RUSC2: variants seen among roughly 807,000 people sequenced by gnomAD.
RUSC2 encodes AP-4 complex accessory subunit RUSC2.
In RUSC2, 34 loss-of-function variants were observed where a neutral mutation model predicts 122.2. The ratio of observed to expected loss-of-function variants is 0.28; its 90% CI spans 0.21 to 0.37. The LOEUF (loss-of-function observed/expected upper bound fraction) is 0.37, where lower values mean the gene tolerates loss of function less well. Ranked by LOEUF, RUSC2 falls within the 10% of genes least tolerant of loss-of-function variation. The probability of loss-of-function intolerance (pLI) is 1.00; values close to 1 mark genes in which losing one functional copy is unlikely to be tolerated. For missense variants in RUSC2, 1,747 were observed against 1,952.4 expected (o/e 0.89, Z 1.98); for synonymous variants, 784 against 790.0 (o/e 0.99, Z 0.13).
At chr9:35,536,905 A>G (rs1301603080) in intron 1 of RUSC2, among the ~76,000 whole-genome samples, 1 of 152,076 alleles carries the variant, frequency 6.6e-6, no homozygotes, top group East Asian at 1.9e-4. Context: ...GTAATGAGAA[A>G]CCATTAAAAG....
At chr9:35,491,451 C>G (rs145849575) in intron 1 of RUSC2, among the ~76,000 whole-genome samples, 1 of 152,144 alleles carries the variant, frequency 6.6e-6, no homozygotes, top group Non-Finnish European at 1.5e-5. Context: ...GTTAGTTATG[C>G]CCGTCCTGCT....
intron 1 of RUSC2, among the ~76,000 whole-genome samples, chr9:35,526,139 T>C (rs1269332358): frequency 6.6e-6 from 1 of 152,092 alleles, no homozygotes. Context: ...AGCCTTCAAC[T>C]CCCCATAAAG....
At chr9:35,526,270 G>C (rs1241613901) in intron 1 of RUSC2, among the ~76,000 whole-genome samples, 1 of 152,052 alleles carries the variant, frequency 6.6e-6, no homozygotes, top group Non-Finnish European at 1.5e-5. Flanking sequence ...ACTGAGTTCT[G>C]GAAGATGCTG....
chr9:35,491,266 T>C (rs1215267025), intron 1 of RUSC2, among the ~76,000 whole-genome samples: 1 of 151,810 alleles, frequency 6.6e-6, no homozygotes. Flanking sequence ...GCTGTAGGAG[T>C]TGATAAGGTA....
chr9:35,513,917 T>G (rs983380318), intron 1 of RUSC2, among the ~76,000 whole-genome samples: 2 of 143,518 alleles, frequency 1.4e-5, no homozygotes, highest in South Asian at 4.4e-4. Flanking sequence ...TATATATATA[T>G]ATATATATAT....
intron 1 of RUSC2, among the ~76,000 whole-genome samples, chr9:35,537,892 T>A (rs1587855819): frequency 6.6e-6 from 1 of 152,202 alleles, no homozygotes; most frequent in Non-Finnish European, 1.5e-5. Flanking sequence ...GACGGAGACC[T>A]CACCGCTACT....
chr9:35,521,850 C>T (rs1206736664), intron 1 of RUSC2, among the ~76,000 whole-genome samples: 1 of 152,228 alleles, frequency 6.6e-6, no homozygotes, highest in Non-Finnish European at 1.5e-5. Context: ...ACAGTGGCCT[C>T]CTCAGCTAGC....
chr9:35,534,936 T>C (rs1432543744), intron 1 of RUSC2, among the ~76,000 whole-genome samples: 1 of 152,210 alleles, frequency 6.6e-6, no homozygotes, highest in Admixed American at 6.5e-5. Flanking sequence ...TTGTGTCCTT[T>C]GAAGAACAAA....
rs560971984 is a variant in RUSC2, at chr9:35,501,472, G to A, written c.-93+11300G>A. Among the ~76,000 whole-genome samples, 18 of 152,304 alleles carry A rather than the reference G, an allele frequency of 1.2e-4. No homozygotes were observed. The East Asian group carries it at 1.9e-3, about 16-fold the overall frequency. ...GGCACCTATAGTTCCAGCTGCTCCC[G>A]AGGCTGAGGCACAAGAATTGCTTGA... is the stretch of plus-strand genomic sequence containing the variant. On this transcript the variant is annotated intron_variant, in intron 1 of 11. Coordinates refer to ENST00000361226, the MANE Select transcript of RUSC2 (RefSeq NM_014806.5).
chr9:35,535,520 C>T (rs1821506143), intron 1 of RUSC2, among the ~76,000 whole-genome samples: 1 of 150,458 alleles, frequency 6.6e-6, no homozygotes, highest in East Asian at 1.9e-4. Flanking sequence ...CTGATTTACA[C>T]ACAAGGAGCT....
chr9:35,494,260 G>C (rs1040645103), intron 1 of RUSC2, among the ~76,000 whole-genome samples: 3 of 152,022 alleles, frequency 2.0e-5, no homozygotes, highest in Non-Finnish European at 4.4e-5. Flanking sequence ...AAGGTCAGGA[G>C]TTCAAGACCA....
intron 1 of RUSC2, among the ~76,000 whole-genome samples, chr9:35,509,008 T>A (rs1820967378): frequency 6.6e-6 from 1 of 151,910 alleles, no homozygotes; most frequent in South Asian, 2.1e-4. Context: ...ATAGAGAAAT[T>A]CCTAAATTAG....
rs1329481169 is a variant in RUSC2, at chr9:35,546,892, A to G, written c.371A>G (p.Asp124Gly). The G allele has an allele frequency of 2.5e-6, 4 of 1,588,642 alleles. No homozygotes were observed. The highest frequency in any genetic ancestry group is 3.4e-6 in the Non-Finnish European group (4 of 1,167,564). ...GACCTGTATGATGACAGCATTGGTG[A>G]CAGTGCCACCCAGCAGTCCTTCCAC... is the stretch of plus-strand genomic sequence containing the variant. ...LGDLYDDSIG[D>G]SATQQSFHLH... Residue 124 changes from aspartate (D) to glycine (G), a missense_variant, in exon 2 of 12, where the codon GAC becomes GGC. Physicochemically the swap from Asp to Gly is moderately conservative, Grantham distance 94. Coordinates refer to ENST00000361226, the MANE Select transcript of RUSC2 (RefSeq NM_014806.5). This position sits in a 1 kb window ranked among gnomAD's most constrained non-coding sequence, Gnocchi z 4.3.
At position 35,557,329 on chromosome 9, in the gene RUSC2, C is replaced by T. The variant is rs567022925; in HGVS notation, c.2984-585C>T. The stretch of plus-strand genomic sequence containing the variant: ...GGGAAACGGCCACCTTCCTCCAGGA[C>T]GCGAAGGGGATGCAAGTGGGCAGGG... On this transcript the variant is annotated intron_variant, in intron 5 of 11. Transcript: ENST00000361226. This position sits in a 1 kb window ranked among gnomAD's most constrained non-coding sequence, Gnocchi z 4.6. 1.3e-5 allele frequency among the ~76,000 whole-genome samples: 2 copies of T among 152,060 alleles called. No individual in the cohort carries two copies. Among genetic ancestry groups the T allele is most frequent in the South Asian group, 2.1e-4 (1 of 4,822 alleles).
intron 1 of RUSC2, among the ~76,000 whole-genome samples, chr9:35,525,527 C>T (rs989666102): frequency 2.6e-4 from 40 of 151,944 alleles, no homozygotes; most frequent in African/African-American, 8.2e-4. Context: ...TGGTCGAGCA[C>T]GGTGGCTCAT....
At position 35,556,562 on chromosome 9, in the gene RUSC2, C is replaced by G. The variant is rs193013504; in HGVS notation, c.2983+114C>G. 1.0e-2 allele frequency: 2,394 copies of G among 240,392 alleles called. 30 individuals carry two copies. Among genetic ancestry groups the G allele is most frequent in the African/African-American group, 0.06 (2,154 of 35,988 alleles). 14.9% of individuals were successfully genotyped at this position (240,392 alleles called of 1,614,324 possible). A position where few individuals can be genotyped will look rare whatever the true frequency, so the allele number is the denominator to read the frequency against. On this transcript the variant is annotated intron_variant, in intron 5 of 11. Coordinates refer to ENST00000361226, the MANE Select transcript of RUSC2 (RefSeq NM_014806.5). Reference sequence around the variant, plus strand: ...AGTGCTGGCTGGGCCCAGTGGCTCACGCCTGTAATCCCAGCACTTTGGGAG... The same window carrying G: ...AGTGCTGGCTGGGCCCAGTGGCTCAGGCCTGTAATCCCAGCACTTTGGGAG...
At chr9:35,508,375 C>G (rs1389057763) in intron 1 of RUSC2, among the ~76,000 whole-genome samples, 1 of 152,194 alleles carries the variant, frequency 6.6e-6, no homozygotes, top group African/African-American at 2.4e-5. Context: ...CCACACATGC[C>G]TGTGAATGTG....
chr9:35,541,715 G>T (rs192631465), intron 1 of RUSC2, among the ~76,000 whole-genome samples: 1 of 151,950 alleles, frequency 6.6e-6, no homozygotes, highest in Non-Finnish European at 1.5e-5. Flanking sequence ...AAAGTGCTGG[G>T]ATTACAGGTG....
chr9:35,510,741 CT>C (rs1037922971), intron 1 of RUSC2, among the ~76,000 whole-genome samples: 1 of 152,216 alleles, frequency 6.6e-6, no homozygotes, highest in African/African-American at 2.4e-5. Flanking sequence ...GAGAAGGAAA[CT>C]CTTCTAGAGC....
Sources: allele counts gnomAD v4.1 joint callset (sites outside exome capture counted in the v4.1 genomes callset), GRCh38; gene constraint gnomAD v4.1.1; non-coding constraint Gnocchi (gnomAD v3.1); transcripts MANE v1.5; gene names NCBI Gene and HGNC (gene_info 2026-07-23, HGNC 2026-07-21).